The following ZNF333 variants were observed in gnomAD, a reference collection of about 807,000 sequenced individuals.
ZNF333 encodes zinc finger protein 333.
ZNF333 carries 61 observed loss-of-function variants against 76.1 expected under a neutral mutation model. The ratio of observed to expected loss-of-function variants is 0.80; its 90% CI spans 0.65 to 0.99. The LOEUF is 0.99. Among genes scored for constraint, ZNF333 ranks in the 50% least tolerant of loss-of-function variants. ZNF333 has a pLI of 0.00. For synonymous variants in ZNF333, 284 were observed against 305.0 expected (o/e 0.93, Z 0.72); for missense variants, 717 against 822.4 (o/e 0.87, Z 1.57).
chr19:14,727,485 CAGAGT>C (rs1170309203), intron 11 of ZNF333, among the ~76,000 whole-genome samples: 1 of 152,128 alleles, frequency 6.6e-6, no homozygotes, highest in Non-Finnish European at 1.5e-5. Context: ...GAGCAAGAGA[CAGAGT>C]AGAGACGTTC....
intron 1 of ZNF333, among the ~76,000 whole-genome samples, chr19:14,692,394 C>A (rs1374386385): frequency 6.6e-6 from 1 of 152,108 alleles, no homozygotes; most frequent in Non-Finnish European, 1.5e-5. Context: ...CTGCTGTGTT[C>A]CAGGAGCTGA....
Position 14,702,620 on chromosome 19 carries a change from C to G in ZNF333, c.307-2434C>G, listed in dbSNP as rs576699556. On this transcript the variant is annotated intron_variant, in intron 5 of 11. Coordinates refer to ENST00000292530, the MANE Select transcript of ZNF333 (RefSeq NM_032433.4). Reference sequence around the variant, plus strand: ...CAGGCCCACCCCACAGCTGCCTCTTCTGCAGACACCTGGCTCCTTGAGGCT... The same window carrying G: ...CAGGCCCACCCCACAGCTGCCTCTTGTGCAGACACCTGGCTCCTTGAGGCT... Among the ~76,000 whole-genome samples the G allele has an allele frequency of 1.7e-4, 26 of 152,374 alleles. No homozygotes were observed. The East Asian group carries it at 5.0e-3, about 29-fold the overall frequency.
At chr19:14,704,821 A>G (rs542874177) in intron 5 of ZNF333, among the ~76,000 whole-genome samples, 2 of 152,338 alleles carry the variant, frequency 1.3e-5, no homozygotes, top group South Asian at 4.1e-4. Context: ...GACAGAGCCA[A>G]ACCATATCAA....
chr19:14,698,893 AATATAGATATATATATATATAT>A (rs1973439013), intron 4 of ZNF333, among the ~76,000 whole-genome samples: 3 of 113,112 alleles, frequency 2.7e-5, no homozygotes, highest in African/African-American at 1.1e-4. Flanking sequence ...CACACACACA[AATATAGATATATATATATATAT>A]ATATATATAT....
exon 12 of ZNF333, chr19:14,731,502 C>T: frequency 8.5e-6 from 3 of 351,576 alleles, no homozygotes; most frequent in East Asian, 5.4e-5. Flanking sequence ...GGGAAAACAG[C>T]CAGGGAAACT....
Position 14,720,738 on chromosome 19 carries a change from C to T in ZNF333, c.*1413C>T. The T allele has an allele frequency of 1.0e-6, 1 of 985,232 alleles. No individual in the cohort carries two copies. The highest frequency in any genetic ancestry group is 5.2e-4 in the Middle Eastern group (1 of 1,914). The allele number at this position is 985,232 out of a possible 1,614,324, so 61.0% of individuals were successfully genotyped here. ...ATGTATTGTATTCTACAAATGTCTG[C>T]TAGATCAAGCAAATGTGTTTAAAAA... On this transcript the variant is annotated 3_prime_UTR_variant, in exon 12 of 12. Transcript: ENST00000292530.
intron 7 of ZNF333, among the ~76,000 whole-genome samples, chr19:14,711,113 C>T (rs1282907273): frequency 6.6e-6 from 1 of 152,174 alleles, no homozygotes; most frequent in Non-Finnish European, 1.5e-5. Context: ...CCAAGTCCCG[C>T]CTCCGACACT....
chr19:14,692,976 GCCACCATGC>G (rs990788814), intron 1 of ZNF333, among the ~76,000 whole-genome samples: 1 of 151,592 alleles, frequency 6.6e-6, no homozygotes, highest in African/African-American at 2.4e-5. Context: ...ACAGGCGTTT[GCCACCATGC>G]CCAGCTAATT....
chr19:14,726,369 G>T (rs1335430269), downstream of ZNF333, among the ~76,000 whole-genome samples: 1 of 152,124 alleles, frequency 6.6e-6, no homozygotes, highest in Non-Finnish European at 1.5e-5. Context: ...CTTTTGTCTT[G>T]GATCTTAGCA....
At chr19:14,692,572 G>T (rs1972853092) in intron 1 of ZNF333, among the ~76,000 whole-genome samples, 1 of 152,108 alleles carries the variant, frequency 6.6e-6, no homozygotes, top group South Asian at 2.1e-4. Context: ...GGAGTGCAGT[G>T]TGGGATCTGG....
chr19:14,706,987 A>T, intron 7 of ZNF333: 2 of 510,770 alleles, frequency 3.9e-6, no homozygotes, highest in Non-Finnish European at 3.4e-6. Context: ...GGGCTCACTC[A>T]ACCACAGCAA....
chr19:14,712,087 C>A (rs747020770), intron 7 of ZNF333, among the ~76,000 whole-genome samples: 11 of 151,994 alleles, frequency 7.2e-5, no homozygotes, highest in Non-Finnish European at 1.3e-4. Flanking sequence ...GAGACGTCAT[C>A]ACTATTTATT....
chr19:14,690,624 T>G (rs1357711105), intron 1 of ZNF333, among the ~76,000 whole-genome samples: 1 of 152,246 alleles, frequency 6.6e-6, no homozygotes, highest in Non-Finnish European at 1.5e-5. Flanking sequence ...TTTAATTGAT[T>G]GGCCAAATTT....
intron 7 of ZNF333, among the ~76,000 whole-genome samples, chr19:14,710,913 G>C (rs539648361): frequency 1.8e-4 from 27 of 152,298 alleles, no homozygotes; most frequent in African/African-American, 6.5e-4. Context: ...GGTCAGAAGG[G>C]GAAGGGAAGC....
Position 14,717,647 on chromosome 19 carries a change from T to C in ZNF333, c.824-10T>C, listed in dbSNP as rs1318575620. 1 of 1,613,120 alleles carries C rather than the reference T, an allele frequency of 6.2e-7. No homozygotes were observed. The highest frequency in any genetic ancestry group is 1.7e-5 in the Admixed American group (1 of 60,028). On this transcript the variant is annotated splice_polypyrimidine_tract_variant and intron_variant, in intron 10 of 11. Transcript: ENST00000292530. The stretch of plus-strand genomic sequence containing the variant: ...GTGTGCTTAACTTTTTCTTCCCTAA[T>C]TCATTTCAGAACCTCAGTGTCAACC...
At chr19:14,716,351 T>C (rs1354154909) in intron 9 of ZNF333, 113 bp downstream of exon 9, 2 of 1,247,110 alleles carry the variant, frequency 1.6e-6, no homozygotes, top group Non-Finnish European at 2.2e-6. Context: ...CTCCGCTTCC[T>C]GGGCTCAGGT....
intron 5 of ZNF333, 34 bp downstream of exon 5, chr19:14,699,315 A>G: frequency 1.3e-6 from 2 of 1,581,040 alleles, no homozygotes; most frequent in East Asian, 2.2e-5. Flanking sequence ...GGCTCCCAGC[A>G]TGGGAGAAGT....
At chr19:14,698,935 T>TATATATAC (rs1180611568) in intron 4 of ZNF333, among the ~76,000 whole-genome samples, 128 of 139,312 alleles carry the variant, frequency 9.2e-4, no homozygotes, top group African/African-American at 3.1e-3. Flanking sequence ...TATATATATA[T>TATATATAC]ACACACATAT....
At chr19:14,691,425 T>C (rs1279471636) in intron 1 of ZNF333, among the ~76,000 whole-genome samples, 1 of 152,164 alleles carries the variant, frequency 6.6e-6, no homozygotes, top group Non-Finnish European at 1.5e-5. Context: ...GATGTCTTTT[T>C]TAATAATGGG....
Sources: allele counts gnomAD v4.1 joint callset (sites outside exome capture counted in the v4.1 genomes callset), GRCh38; gene constraint gnomAD v4.1.1; transcripts MANE v1.5; gene names NCBI Gene and HGNC (gene_info 2026-07-23, HGNC 2026-07-21).